The following MOXD1 variants were observed in gnomAD, a reference collection of about 807,000 sequenced individuals.
MOXD1 encodes monooxygenase DBH like 1, also known as DBH-like monooxygenase protein 1.
In MOXD1, 62 loss-of-function variants were observed where a neutral mutation model predicts 66.6. The ratio of observed to expected loss-of-function variants is 0.93; its 90% confidence interval spans 0.76 to 1.15. The LOEUF (loss-of-function observed/expected upper bound fraction) is 1.15, where lower values mean the gene tolerates loss of function less well. Ranked by LOEUF, MOXD1 falls within the 50% of genes most tolerant of loss-of-function variation. The pLI is 0.00. For missense variants in MOXD1, 847 were observed against 754.6 expected, an observed-to-expected ratio of 1.12 and a Z score of -1.44; for synonymous variants, 303 against 281.9, an observed-to-expected ratio of 1.07 and a Z score of -0.75.
chr6:132,340,638 A>ATCTTTTTTTTTTTTTTTTT (rs1562287208), intron 4 of MOXD1, among the ~76,000 whole-genome samples: 3 of 98,808 alleles, frequency 3.0e-5, no homozygotes, highest in African/African-American at 1.3e-4. Flanking sequence ...AACAAGACTC[A>ATCTTTTTTTTTTTTTTTTT]TTTTTTTTTT....
At chr6:132,331,776 G>A (rs1180478522) in intron 4 of MOXD1, among the ~76,000 whole-genome samples, 1 of 152,188 alleles carries the variant, frequency 6.6e-6, no homozygotes, top group Non-Finnish European at 1.5e-5. Context: ...AGGCTAGTGT[G>A]ACCCCAAAGT....
chr6:132,326,054 G>GA, intron 6 of MOXD1, among the ~76,000 whole-genome samples: 1 of 152,032 alleles, frequency 6.6e-6, no homozygotes. Context: ...GTTTGACAGG[G>GA]AAAAAATATA....
chr6:132,322,209 A>G (rs1299283748), intron 8 of MOXD1, among the ~76,000 whole-genome samples: 4 of 152,228 alleles, frequency 2.6e-5, no homozygotes, highest in African/African-American at 9.6e-5. Context: ...ATCACACAGC[A>G]TAGTTTAATT....
intron 4 of MOXD1, among the ~76,000 whole-genome samples, chr6:132,342,728 A>G (rs984982185): frequency 6.6e-5 from 10 of 152,244 alleles, no homozygotes; most frequent in African/African-American, 1.4e-4. Context: ...ATGCACATAC[A>G]GTTCATACAG....
chr6:132,397,117 C>G (rs888563032), intron 1 of MOXD1, among the ~76,000 whole-genome samples: 7 of 152,222 alleles, frequency 4.6e-5, no homozygotes, highest in African/African-American at 1.7e-4. Flanking sequence ...CACAGAGAGG[C>G]TATGATCCTA....
intron 1 of MOXD1, among the ~76,000 whole-genome samples, chr6:132,394,608 G>A (rs887861902): frequency 2.9e-5 from 4 of 136,594 alleles, no homozygotes; most frequent in African/African-American, 1.2e-4. Context: ...ATTTACCAAA[G>A]AGATAGATGT....
chr6:132,383,668 T>C (rs770402344), intron 1 of MOXD1, among the ~76,000 whole-genome samples: 6 of 152,186 alleles, frequency 3.9e-5, no homozygotes, highest in Non-Finnish European at 7.3e-5. Context: ...AAATTTTGAC[T>C]CTTTATTTGG....
intron 10 of MOXD1, among the ~76,000 whole-genome samples, chr6:132,312,275 C>T (rs1774846477): frequency 6.6e-6 from 1 of 151,412 alleles, no homozygotes; most frequent in South Asian, 2.1e-4. Flanking sequence ...AATATAGAAC[C>T]TGATTAATCA....
intron 10 of MOXD1, among the ~76,000 whole-genome samples, chr6:132,313,781 GGCGAGCGCCTGTAATCCCA>G (rs1214084639): frequency 1.3e-5 from 2 of 152,116 alleles, no homozygotes; most frequent in Non-Finnish European, 2.9e-5. Context: ...TGGGCGTGGT[GGCGAGCGCCTGTAATCCCA>G]GCTACTTGGG....
In MOXD1 at chr6:132,372,976, A is replaced by G. The variant is rs750297588; in HGVS notation, c.433T>C (p.Trp145Arg). 8.7e-6 allele frequency: 14 copies of G among 1,613,790 alleles called. No individual in the cohort carries two copies. Among genetic ancestry groups the G allele is most frequent in the Non-Finnish European group, 1.2e-5 (14 of 1,179,786 alleles). The change falls in exon 3 of 12, where the codon TGG (tryptophan) becomes CGG (arginine). Residue 145 changes from tryptophan (W) to arginine (R), a missense_variant. Coordinates refer to ENST00000367963, the MANE Select transcript of MOXD1 (RefSeq NM_015529.4). ...SITDSTVRVI[W>R]AYHHEDAGEA... ...CCTGCATCTTCATGGTGGTAGGCCCAGATCACTCTCACAGTGCTATCCTGG... is the reference window on the plus strand; with the variant it reads ...CCTGCATCTTCATGGTGGTAGGCCCGGATCACTCTCACAGTGCTATCCTGG...
In MOXD1 at chr6:132,328,577, C is replaced by G; in HGVS notation, c.681G>C (p.Gln227His). Residue 227 changes from glutamine to histidine, a missense_variant, in exon 5 of 12, where the codon CAG becomes CAC. Physicochemically the swap from Gln to His is conservative, Grantham distance 24. Coordinates refer to ENST00000367963, the MANE Select transcript of MOXD1 (RefSeq NM_015529.4). ...GGTGCACCAGACTCTCATGGCCTCT[C>G]TGTATCACTGGCTCAACCTACACGA... is the stretch of plus-strand genomic sequence containing the variant. ...HHVIKVEPVI[Q>H]RGHESLVHHI... 6.2e-7 allele frequency: 1 copy of G among 1,613,972 alleles called. No individual in the cohort carries two copies. The highest frequency in any genetic ancestry group is 1.3e-5 in the African/African-American group (1 of 75,030).
chr6:132,302,471 C>G (rs1049751917), intron 10 of MOXD1, among the ~76,000 whole-genome samples: 5 of 106,030 alleles, frequency 4.7e-5, no homozygotes, highest in African/African-American at 3.1e-4. Context: ...ACAAGGATAA[C>G]TAAAACTTAA....
intron 4 of MOXD1, among the ~76,000 whole-genome samples, chr6:132,356,383 AG>A (rs1333615954): frequency 6.6e-6 from 1 of 152,238 alleles, no homozygotes; most frequent in East Asian, 1.9e-4. Flanking sequence ...TAAATTTAAA[AG>A]ACTAAAATAT....
Position 132,297,829 on chromosome 6 carries a change from T to G in MOXD1, c.1635A>C (p.Pro545=), listed in dbSNP as rs768612171. ...LSFNKLVLSL[P]VNVRCSKTDN... is the part of the protein sequence containing the mutation. ...CTGTCTTGGAACATCTCACATTCAC[T>G]GGCAGGCTGAGGACCAGCTTGTTGA... Residue 545 remains proline (P), a synonymous_variant, in exon 11 of 12, where the codon CCA becomes CCC. Coordinates refer to ENST00000367963, the MANE Select transcript of MOXD1 (RefSeq NM_015529.4). 28 of 1,612,844 alleles carry G rather than the reference T, an allele frequency of 1.7e-5. No homozygotes were observed. The East Asian group carries it at 2.7e-4, about 15-fold the overall frequency.
At chr6:132,386,436 A>AACAAAAC (rs1427852147) in intron 1 of MOXD1, among the ~76,000 whole-genome samples, 2 of 143,244 alleles carry the variant, frequency 1.4e-5, no homozygotes. Context: ...AACAAAACAA[A>AACAAAAC]AAAAAAAAAC....
At chr6:132,372,083 A>G (rs953777787) in intron 4 of MOXD1, among the ~76,000 whole-genome samples, 1 of 152,204 alleles carries the variant, frequency 6.6e-6, no homozygotes, top group Non-Finnish European at 1.5e-5. Flanking sequence ...AAATAATTGT[A>G]TTGCACAGGC....
chr6:132,352,279 C>A (rs886895992), intron 4 of MOXD1, among the ~76,000 whole-genome samples: 1 of 152,114 alleles, frequency 6.6e-6, no homozygotes, highest in Non-Finnish European at 1.5e-5. Context: ...GGGCCGTGAA[C>A]TTTCCTCTTA....
intron 9 of MOXD1, among the ~76,000 whole-genome samples, chr6:132,318,191 T>C (rs1211953214): frequency 6.6e-6 from 1 of 152,072 alleles, no homozygotes; most frequent in Non-Finnish European, 1.5e-5. Flanking sequence ...CTGAAACACA[T>C]TCTGCAAAAG....
chr6:132,328,571 G>T lies in MOXD1; in HGVS notation c.687C>A (p.Gly229=). 6.2e-7 allele frequency: 1 copy of T among 1,613,980 alleles called. No homozygotes were observed. Among genetic ancestry groups the T allele is most frequent in the Non-Finnish European group, 8.5e-7 (1 of 1,179,974 alleles). The change falls in exon 5 of 12, where the codon GGC becomes GGA. Residue 229 remains glycine, a synonymous_variant. Coordinates refer to ENST00000367963, the MANE Select transcript of MOXD1 (RefSeq NM_015529.4). ...GGATGTGGTGCACCAGACTCTCATGGCCTCTCTGTATCACTGGCTCAACCT... is the reference window on the plus strand; with the variant it reads ...GGATGTGGTGCACCAGACTCTCATGTCCTCTCTGTATCACTGGCTCAACCT... ...VIKVEPVIQR[G]HESLVHHILL... is the part of the protein sequence containing the mutation.
Sources: gnomAD v4.1 joint callset for allele counts (sites outside exome capture counted in the v4.1 genomes callset) on GRCh38, gnomAD v4.1.1 for gene constraint, MANE v1.5 for transcripts, NCBI Gene and HGNC (gene_info 2026-07-23, HGNC 2026-07-21) for gene names.